The following EGFR variants were observed in gnomAD, a reference collection of about 807,000 sequenced individuals.
EGFR encodes avian erythroblastic leukemia viral (v-erb-b) oncogene homolog.
A neutral mutation model predicts 143.0 loss-of-function variants in EGFR; 58 were observed. The ratio of observed to expected loss-of-function variants is 0.41; its 90% confidence interval spans 0.33 to 0.50. EGFR has a LOEUF of 0.50. EGFR is among the 20% of genes least tolerant of loss of function. The probability of loss-of-function intolerance (pLI) is 0.39; values close to 1 mark genes in which losing one functional copy is unlikely to be tolerated. For missense variants in EGFR, 1,307 were observed against 1,579.0 expected, an observed-to-expected ratio of 0.83 and a Z score of 2.92; for synonymous variants, 613 against 594.4, an observed-to-expected ratio of 1.03 and a Z score of -0.45.
intron 1 of EGFR, among the ~76,000 whole-genome samples, chr7:55,113,893 G>T (rs1356363250): frequency 1.3e-5 from 2 of 152,164 alleles, no homozygotes; most frequent in East Asian, 1.9e-4. Context: ...CCTGCTGGGG[G>T]CTTTGAGCAG....
rs1040652650 is a variant in EGFR at position 55,205,437 on chromosome 7, C to T, written c.3453C>T (p.Phe1151=). The T allele has an allele frequency of 3.7e-6, 6 of 1,614,178 alleles. No individual in the cohort carries two copies. Among genetic ancestry groups the T allele is most frequent in the Middle Eastern group, 3.3e-4 (2 of 6,062 alleles). The change falls in exon 28 of 28, where the codon TTC becomes TTT. Residue 1151 remains phenylalanine (F), a synonymous_variant. Transcript: ENST00000275493. ...TVQPTCVNST[F]DSPAHWAQKG... ...AGCCCACCTGTGTCAACAGCACATTCGACAGCCCTGCCCACTGGGCCCAGA... is the reference window on the plus strand; with the variant it reads ...AGCCCACCTGTGTCAACAGCACATTTGACAGCCCTGCCCACTGGGCCCAGA...
intron 1 of EGFR, among the ~76,000 whole-genome samples, chr7:55,120,926 G>C (rs1440445867): frequency 3.3e-5 from 5 of 152,186 alleles, no homozygotes; most frequent in African/African-American, 9.7e-5. Context: ...TGAGAGATTA[G>C]ATAACTGTTT....
At chr7:55,089,829 T>C (rs1024003817) in intron 1 of EGFR, among the ~76,000 whole-genome samples, 10 of 152,230 alleles carry the variant, frequency 6.6e-5, no homozygotes, top group Non-Finnish European at 1.5e-4. Context: ...GATTTGCTTC[T>C]TGGGGCCTCC....
chr7:55,060,685 A>G (rs1789114920), intron 1 of EGFR, among the ~76,000 whole-genome samples: 1 of 152,124 alleles, frequency 6.6e-6, no homozygotes, highest in Non-Finnish European at 1.5e-5. Flanking sequence ...TGGGCAGGAA[A>G]CTGGCTTTGG....
At position 55,201,949 on chromosome 7, in the gene EGFR, C is replaced by T. The variant is rs41344244; in HGVS notation, c.3162+167C>T. Among the ~76,000 whole-genome samples the T allele has an allele frequency of 3.8e-3, 572 of 150,408 alleles. 3 individuals are homozygous for T. The highest frequency in any genetic ancestry group is 0.013 in the African/African-American group (548 of 40,676). On this transcript the variant is annotated intron_variant, in intron 26 of 27. Transcript: ENST00000275493. ...TCACGCCTCACAGTGCCGTTCAAAGCGTGACTCCTGGACCAGTAGTAGCAT... is the reference window on the plus strand; with the variant it reads ...TCACGCCTCACAGTGCCGTTCAAAGTGTGACTCCTGGACCAGTAGTAGCAT...
At chr7:55,161,404 G>A (rs1785693500) in intron 12 of EGFR, 95 bp from the exon 13 acceptor site, 2 of 1,492,878 alleles carry the variant, frequency 1.3e-6, no homozygotes, top group Non-Finnish European at 1.8e-6. Context: ...CCAAGGTCAT[G>A]GAGCACAGGG....
intron 22 of EGFR, among the ~76,000 whole-genome samples, chr7:55,195,041 A>ACTGGCTCTC (rs985969891): frequency 6.6e-6 from 1 of 152,210 alleles, no homozygotes; most frequent in Admixed American, 6.5e-5. Context: ...CACTGGCTAT[A>ACTGGCTCTC]CTGGCTCTCC....
At chr7:55,194,076 A>G (rs2128966226) in intron 22 of EGFR, among the ~76,000 whole-genome samples, 1 of 152,234 alleles carries the variant, frequency 6.6e-6, no homozygotes, top group South Asian at 2.1e-4. Context: ...CCACGAGGGA[A>G]CTGCAGGGTC....
chr7:55,071,144 C>T (rs950460063), intron 1 of EGFR, among the ~76,000 whole-genome samples: 11 of 152,308 alleles, frequency 7.2e-5, no homozygotes, highest in Middle Eastern at 3.4e-3. Context: ...GTTTCCACCA[C>T]TGTTAGGAAG....
intron 1 of EGFR, among the ~76,000 whole-genome samples, chr7:55,046,615 G>C (rs567279368): frequency 6.6e-6 from 1 of 151,956 alleles, no homozygotes; most frequent in Non-Finnish European, 1.5e-5. Flanking sequence ...AGCATTCTGA[G>C]GTCAAACATG....
At chr7:55,163,670 G>A in intron 13 of EGFR, 63 bp from the exon 14 acceptor site, 1 of 1,419,338 alleles carries the variant, frequency 7.0e-7, no homozygotes, top group Non-Finnish European at 1.0e-6. Flanking sequence ...TTGAAGAGGT[G>A]ATTTGTGTTC....
chr7:55,094,683 G>A (rs1791337523), intron 1 of EGFR, among the ~76,000 whole-genome samples: 1 of 152,170 alleles, frequency 6.6e-6, no homozygotes, highest in South Asian at 2.1e-4. Context: ...GCATTTACAT[G>A]GACATCACAG....
At chr7:55,187,940 C>T (rs1002731448) in intron 20 of EGFR, among the ~76,000 whole-genome samples, 5 of 152,154 alleles carry the variant, frequency 3.3e-5, no homozygotes, top group Admixed American at 3.3e-4. Context: ...CACCTTCTCC[C>T]TAGCTGTGGC....
intron 1 of EGFR, among the ~76,000 whole-genome samples, chr7:55,117,272 G>A (rs1332589481): frequency 1.3e-5 from 2 of 152,194 alleles, no homozygotes; most frequent in African/African-American, 4.8e-5. Context: ...GGTAAAAGTT[G>A]TCTTGCCACC....
chr7:55,131,870 A>G (rs1167496831), intron 1 of EGFR, among the ~76,000 whole-genome samples: 1 of 151,676 alleles, frequency 6.6e-6, no homozygotes, highest in Non-Finnish European at 1.5e-5. Context: ...GAGCAGCTAG[A>G]CGTGGCCATT....
At chr7:55,122,574 A>G (rs943503952) in intron 1 of EGFR, among the ~76,000 whole-genome samples, 2 of 151,692 alleles carry the variant, frequency 1.3e-5, no homozygotes, top group African/African-American at 4.8e-5. Context: ...TGGGATCTTC[A>G]CTCTCTCACA....
chr7:55,044,519 C>T (rs930314308), intron 1 of EGFR, among the ~76,000 whole-genome samples: 1 of 152,210 alleles, frequency 6.6e-6, no homozygotes, highest in Non-Finnish European at 1.5e-5. Flanking sequence ...CTGCCCAGAT[C>T]CCCAGAGCTG....
At chr7:55,028,089 C>A (rs1159940792) in intron 1 of EGFR, among the ~76,000 whole-genome samples, 1 of 144,116 alleles carries the variant, frequency 6.9e-6, no homozygotes, top group Non-Finnish European at 1.5e-5. Flanking sequence ...TAAGAGCATT[C>A]ATGAAGGATT....
chr7:55,093,032 T>C (rs1791222651), intron 1 of EGFR, among the ~76,000 whole-genome samples: 1 of 152,270 alleles, frequency 6.6e-6, no homozygotes. Context: ...TAGATTGCCC[T>C]GCATTTTCAA....
Sources: gnomAD v4.1 joint callset for allele counts (sites outside exome capture counted in the v4.1 genomes callset) on GRCh38, gnomAD v4.1.1 for gene constraint, MANE v1.5 for transcripts, NCBI Gene and HGNC (gene_info 2026-07-23, HGNC 2026-07-21) for gene names.